The following SLC12A2 variants were observed in gnomAD, a reference collection of about 807,000 sequenced individuals.
SLC12A2 encodes the protein solute carrier family 12 member 2.
SLC12A2 carries 67 observed loss-of-function variants against 136.3 expected under a neutral mutation model. The observed-to-expected ratio is 0.49, with a 90% CI of 0.40 to 0.60. The LOEUF is 0.60. SLC12A2 is among the 20% of genes least tolerant of loss of function. SLC12A2 has a pLI of 0.00. For synonymous variants in SLC12A2, 619 were observed against 562.9 expected (o/e 1.10, Z -1.41); for missense variants, 1,322 against 1,534.7 (o/e 0.86, Z 2.32).
At chr5:128,120,007 T>G (rs996053761) in intron 4 of SLC12A2, among the ~76,000 whole-genome samples, 11 of 151,502 alleles carry the variant, frequency 7.3e-5, no homozygotes, top group South Asian at 4.2e-4. Context: ...CAAACAAATT[T>G]ACAAGAAAAA....
At chr5:128,163,155 A>G (rs980577109) in intron 17 of SLC12A2, among the ~76,000 whole-genome samples, 2 of 152,176 alleles carry the variant, frequency 1.3e-5, no homozygotes, top group Admixed American at 6.5e-5. Context: ...AATGTCCTGC[A>G]AATTTGGTTT....
At chr5:128,119,846 A>C (rs544685897) in intron 4 of SLC12A2, among the ~76,000 whole-genome samples, 1 of 152,216 alleles carries the variant, frequency 6.6e-6, no homozygotes, top group Non-Finnish European at 1.5e-5. Flanking sequence ...ACAAAAGCCA[A>C]AATTGACAAA....
chr5:128,179,948 CTTTTTTTTTTTTTTT>C (rs70997365), intron 22 of SLC12A2, among the ~76,000 whole-genome samples: 2 of 50,480 alleles, frequency 4.0e-5, no homozygotes, highest in East Asian at 5.3e-4. Flanking sequence ...CCAATCGTTC[CTTTTTTTTTTTTTTT>C]TTTTTTTTTT....
intron 20 of SLC12A2, 24 bp downstream of exon 20, chr5:128,174,690 T>G: frequency 6.6e-7 from 1 of 1,517,330 alleles, no homozygotes; most frequent in Non-Finnish European, 8.9e-7. Context: ...AAACAATAAG[T>G]CTTATTAATA....
At position 128,114,575 on chromosome 5, in the gene SLC12A2, T is replaced by C; in HGVS notation, c.953-11T>C. On this transcript the variant is annotated splice_polypyrimidine_tract_variant and intron_variant, in intron 3 of 26. Transcript: ENST00000262461. The stretch of plus-strand genomic sequence containing the variant: ...TGTAAGTATTCTCATTGTCTTTCTT[T>C]CTTCGTAAAGGTCTATCAGTCCTTG... The C allele has an allele frequency of 2.6e-6, 4 of 1,568,538 alleles. No individual in the cohort carries two copies. Among genetic ancestry groups the C allele is most frequent in the Non-Finnish European group, 3.5e-6 (4 of 1,139,188 alleles).
chr5:128,147,841 A>T (rs1409605612), intron 11 of SLC12A2, 112 bp downstream of exon 11: 1 of 570,756 alleles, frequency 1.8e-6, no homozygotes, highest in African/African-American at 1.9e-5. Flanking sequence ...ATATATACAT[A>T]TATATGATAT....
chr5:128,124,624 A>G (rs994833013), intron 4 of SLC12A2, among the ~76,000 whole-genome samples: 6 of 152,208 alleles, frequency 3.9e-5, no homozygotes, highest in Non-Finnish European at 8.8e-5. Context: ...TCCAAGTGCC[A>G]TCCTCCTGGC....
chr5:128,122,672 CA>C (rs1364116412), intron 4 of SLC12A2, among the ~76,000 whole-genome samples: 9 of 151,982 alleles, frequency 5.9e-5, no homozygotes, highest in Non-Finnish European at 1.3e-4. Context: ...TAGATAAAGC[CA>C]AAAACATTGG....
chr5:128,149,850 G>A, intron 12 of SLC12A2, 147 bp from the exon 13 acceptor site: 1 of 660,410 alleles, frequency 1.5e-6, no homozygotes, highest in Non-Finnish European at 2.7e-6. Flanking sequence ...AGTATATGAG[G>A]CATATATGGC....
intron 4 of SLC12A2, among the ~76,000 whole-genome samples, chr5:128,116,143 G>T (rs996569771): frequency 4.6e-5 from 7 of 152,132 alleles, no homozygotes; most frequent in African/African-American, 1.7e-4. Context: ...CTGGGATGCT[G>T]TGTATTTGTA....
At chr5:128,119,991 T>C (rs1761494193) in intron 4 of SLC12A2, among the ~76,000 whole-genome samples, 1 of 151,620 alleles carries the variant, frequency 6.6e-6, no homozygotes, top group Admixed American at 6.6e-5. Context: ...GAATCTACAA[T>C]GAACTCAAAC....
chr5:128,144,632 C>A (rs1418518086), intron 10 of SLC12A2, among the ~76,000 whole-genome samples: 1 of 152,162 alleles, frequency 6.6e-6, no homozygotes, highest in Admixed American at 6.6e-5. Flanking sequence ...GCCCTTCATA[C>A]CTCTTCTTAA....
In SLC12A2 at chr5:128,110,114, T is replaced by C. The variant is rs1233851848; in HGVS notation, c.757-2700T>C. ...AGTCTCATGGTGAACATGTAGGTTTTAGAATTTTCATGGATGTCATACTAC... is the reference window on the plus strand; with the variant it reads ...AGTCTCATGGTGAACATGTAGGTTTCAGAATTTTCATGGATGTCATACTAC... On this transcript the variant is annotated intron_variant, in intron 1 of 26. Coordinates refer to ENST00000262461, the MANE Select transcript of SLC12A2 (RefSeq NM_001046.3). The C allele has an allele frequency of 2.1e-5, 20 of 935,098 alleles. No individual in the cohort carries two copies. In the East Asian group the frequency reaches 4.8e-4, roughly 22 times the overall value. 57.9% of individuals were successfully genotyped at this position (935,098 alleles called of 1,614,324 possible). A position where few individuals can be genotyped will look rare whatever the true frequency, so the allele number is the denominator to read the frequency against.
chr5:128,125,387 T>G lies in SLC12A2; in HGVS notation c.1049-5680T>G, dbSNP rs747024620. 5.3e-5 allele frequency among the ~76,000 whole-genome samples: 8 copies of G among 152,178 alleles called. 1 individual carries two copies. The highest frequency in any genetic ancestry group is 1.0e-4 in the Non-Finnish European group (7 of 68,020). On this transcript the variant is annotated intron_variant, in intron 4 of 26. Coordinates refer to ENST00000262461, the MANE Select transcript of SLC12A2 (RefSeq NM_001046.3). ...GAGTGGTAGGTGGCAAGGAGGAGTT[T>G]GGGCTATTTGCTTGATGTTCAATGA...
At chr5:128,093,104 A>G (rs1465715205) in intron 1 of SLC12A2, among the ~76,000 whole-genome samples, 1 of 151,856 alleles carries the variant, frequency 6.6e-6, no homozygotes, top group Non-Finnish European at 1.5e-5. Context: ...AGTGATCTCC[A>G]TTCTTATCAC....
At chr5:128,120,309 C>A (rs1761507666) in intron 4 of SLC12A2, among the ~76,000 whole-genome samples, 1 of 143,124 alleles carries the variant, frequency 7.0e-6, no homozygotes, top group African/African-American at 2.6e-5. Flanking sequence ...GGCGATTCCT[C>A]AGGGATCTAG....
chr5:128,184,815 G>A lies in SLC12A2; in HGVS notation c.3462G>A (p.Glu1154=). Reference sequence around the variant, plus strand: ...CATACCGGCAGATCAGGTTAAATGAGTTATTAAAGGAACATTCAAGCACAG... The same window carrying A: ...CATACCGGCAGATCAGGTTAAATGAATTATTAAAGGAACATTCAAGCACAG... ...TKTYRQIRLN[E]LLKEHSSTAN... The change falls in exon 26 of 27, where the codon GAG becomes GAA. Residue 1154 remains glutamate (E), a synonymous_variant. Coordinates refer to ENST00000262461, the MANE Select transcript of SLC12A2 (RefSeq NM_001046.3). The A allele has an allele frequency of 6.2e-7, 1 of 1,608,182 alleles. No homozygotes were observed. The highest frequency in any genetic ancestry group is 8.5e-7 in the Non-Finnish European group (1 of 1,174,936).
At chr5:128,114,821 T>C in intron 4 of SLC12A2, 140 bp downstream of exon 4, 1 of 584,316 alleles carries the variant, frequency 1.7e-6, no homozygotes, top group East Asian at 2.9e-5. Flanking sequence ...ACCGAGCACT[T>C]CCAGACTAGT....
At chr5:128,117,958 G>A (rs1166192356) in intron 4 of SLC12A2, among the ~76,000 whole-genome samples, 4 of 151,914 alleles carry the variant, frequency 2.6e-5, no homozygotes, top group East Asian at 1.9e-4. Flanking sequence ...AGAAACATAC[G>A]AAAAAATGCT....
Sources: gnomAD v4.1 joint callset for allele counts (sites outside exome capture counted in the v4.1 genomes callset) on GRCh38, gnomAD v4.1.1 for gene constraint, MANE v1.5 for transcripts, NCBI Gene and HGNC (gene_info 2026-07-23, HGNC 2026-07-21) for gene names.